Variants in CATSPER3 observed in about 807,000 individuals in gnomAD.
CATSPER3 encodes the protein cation channel sperm associated 3, also known as cation channel sperm-associated protein 3.
In CATSPER3, 23 loss-of-function variants were observed where a neutral mutation model predicts 36.6. That is an observed-to-expected ratio of 0.63 (90% CI 0.45 to 0.89). The LOEUF (loss-of-function observed/expected upper bound fraction) is 0.89. Among genes scored for constraint, CATSPER3 ranks in the 40% least tolerant of loss-of-function variants. The pLI, the probability that CATSPER3 is intolerant of heterozygous loss-of-function variation, is 0.00. For synonymous variants in CATSPER3, 172 were observed against 184.1 expected, an observed-to-expected ratio of 0.93 and a Z score of 0.53; for missense variants, 474 against 503.9, an observed-to-expected ratio of 0.94 and a Z score of 0.57.
At chr5:135,005,335 G>A (rs770987509) in intron 3 of CATSPER3, among the ~76,000 whole-genome samples, 4 of 152,182 alleles carry the variant, frequency 2.6e-5, no homozygotes, top group Admixed American at 6.5e-5. Context: ...AGGCACACAC[G>A]CATGCACCAC....
At chr5:134,996,578 C>G (rs1751953096) in intron 3 of CATSPER3, 66 bp downstream of exon 3, 1 of 1,556,558 alleles carries the variant, frequency 6.4e-7, no homozygotes, top group African/African-American at 1.4e-5. Context: ...CCCCAAGACA[C>G]TAAGGAAATA....
intron 3 of CATSPER3, among the ~76,000 whole-genome samples, chr5:135,002,582 T>C (rs367997377): frequency 3.3e-5 from 5 of 152,214 alleles, no homozygotes; most frequent in Non-Finnish European, 7.3e-5. Context: ...CCATTCTCCC[T>C]GTCACTTTCA....
chr5:135,009,246 C>T, intron 5 of CATSPER3, 125 bp from the exon 6 acceptor site: 1 of 1,089,878 alleles, frequency 9.2e-7, no homozygotes. Flanking sequence ...TGGCGGCTGG[C>T]CCTGTGTGGG....
intron 2 of CATSPER3, among the ~76,000 whole-genome samples, chr5:134,974,014 T>A (rs573643268): frequency 1.1e-4 from 16 of 152,090 alleles, no homozygotes; most frequent in Non-Finnish European, 1.8e-4. Flanking sequence ...CCTTAATAAA[T>A]GAAAAAGAAA....
chr5:134,969,742 G>A (rs1751578762), intron 1 of CATSPER3, 197 bp from the exon 2 acceptor site: 2 of 621,368 alleles, frequency 3.2e-6, no homozygotes, highest in African/African-American at 3.7e-5. Context: ...GTAACTGAGT[G>A]AGGACAGAGT....
At chr5:134,986,914 A>G (rs1309739074) in intron 2 of CATSPER3, among the ~76,000 whole-genome samples, 3 of 152,230 alleles carry the variant, frequency 2.0e-5, no homozygotes, top group Non-Finnish European at 4.4e-5. Context: ...TGACATTAGA[A>G]AAGAAGAAAG....
intron 2 of CATSPER3, among the ~76,000 whole-genome samples, chr5:134,987,052 T>C (rs1175179910): frequency 6.6e-6 from 1 of 151,796 alleles, no homozygotes; most frequent in African/African-American, 2.4e-5. Context: ...AGAGGAACAA[T>C]AGAGAAAATG....
intron 2 of CATSPER3, among the ~76,000 whole-genome samples, chr5:134,986,378 A>G (rs984406905): frequency 6.6e-6 from 1 of 151,720 alleles, no homozygotes; most frequent in African/African-American, 2.4e-5. Context: ...TCCTGACCTC[A>G]GGTGATCCAC....
Position 134,996,202 on chromosome 5 carries a change from G to T in CATSPER3, c.253-71G>T. On this transcript the variant is annotated intron_variant, in intron 2 of 7. Coordinates refer to ENST00000282611, the MANE Select transcript of CATSPER3 (RefSeq NM_178019.3). ...TAGGAGCACCCCTTCCGGGGCTCAC[G>T]CAGGGAGCAGGCCAGAGCTCTAGGG... 6.2e-6 allele frequency: 10 copies of T among 1,605,296 alleles called. No homozygotes were observed. In the South Asian group the frequency reaches 6.6e-5, roughly 11 times the overall value.
intron 2 of CATSPER3, among the ~76,000 whole-genome samples, chr5:134,984,750 A>G (rs1313243221): frequency 6.6e-6 from 1 of 152,136 alleles, no homozygotes; most frequent in Non-Finnish European, 1.5e-5. Context: ...CTACCATTCA[A>G]TCCAGCAATC....
intron 2 of CATSPER3, among the ~76,000 whole-genome samples, chr5:134,981,213 G>T (rs538799354): frequency 1.8e-4 from 28 of 151,568 alleles, no homozygotes; most frequent in Non-Finnish European, 2.9e-4. Context: ...TCTGTTGGCC[G>T]GGCACAGTGG....
rs1752179568 is a variant in CATSPER3, at chr5:135,011,519, A to G, written c.1095-2A>G. 1.9e-6 allele frequency: 3 copies of G among 1,611,450 alleles called. No homozygotes were observed. In the East Asian group the frequency reaches 6.7e-5, roughly 36 times the overall value. ...CTTATCTCCTCCTGCTCCATTTTTC[A>G]GGCTTCAAGAGCTGTACTATGAGAT... On this transcript the variant is annotated splice_acceptor_variant, in intron 7 of 7. Coordinates refer to ENST00000282611, the MANE Select transcript of CATSPER3 (RefSeq NM_178019.3). LOFTEE classifies it high-confidence loss of function.
chr5:134,978,294 A>C (rs1751702985), intron 2 of CATSPER3, among the ~76,000 whole-genome samples: 1 of 152,190 alleles, frequency 6.6e-6, no homozygotes, highest in South Asian at 2.1e-4. Context: ...AATAGCTAGA[A>C]GAGAGGACTT....
intron 2 of CATSPER3, among the ~76,000 whole-genome samples, chr5:134,985,879 A>G (rs567225945): frequency 5.9e-5 from 9 of 152,062 alleles, no homozygotes; most frequent in African/African-American, 2.2e-4. Context: ...AGACTACGTG[A>G]TAGAGCAAGA....
At position 134,983,407 on chromosome 5, in the gene CATSPER3, C is replaced by T. The variant is rs545045180; in HGVS notation, c.253-12866C>T. 3.4e-3 allele frequency among the ~76,000 whole-genome samples: 521 copies of T among 152,004 alleles called. 3 individuals carry two copies. Among genetic ancestry groups the T allele is most frequent in the South Asian group, 0.023 (109 of 4,804 alleles). On this transcript the variant is annotated intron_variant, in intron 2 of 7. Coordinates refer to ENST00000282611, the MANE Select transcript of CATSPER3 (RefSeq NM_178019.3). Reference sequence around the variant, plus strand: ...AAAATTAGCCAGGTGTGGTGGTGCACGCCTGTAGTCCCAGCTACCCAGGAG... The same window carrying T: ...AAAATTAGCCAGGTGTGGTGGTGCATGCCTGTAGTCCCAGCTACCCAGGAG...
At chr5:134,993,469 G>C (rs991135667) in intron 2 of CATSPER3, among the ~76,000 whole-genome samples, 7 of 152,068 alleles carry the variant, frequency 4.6e-5, no homozygotes, top group African/African-American at 1.7e-4. Flanking sequence ...CAACAAAATA[G>C]TTAAAAAGAA....
chr5:134,993,112 C>T (rs575241870), intron 2 of CATSPER3, among the ~76,000 whole-genome samples: 10 of 152,302 alleles, frequency 6.6e-5, no homozygotes, highest in African/African-American at 2.4e-4. Context: ...CAGAAACCAA[C>T]ACATGCTAGA....
intron 3 of CATSPER3, among the ~76,000 whole-genome samples, chr5:135,007,570 C>T (rs1223750833): frequency 3.9e-5 from 6 of 152,268 alleles, no homozygotes; most frequent in Admixed American, 6.5e-5. Context: ...CTCCTGGGCC[C>T]GGGGCAGAGA....
At chr5:134,980,261 C>T (rs567907285) in intron 2 of CATSPER3, among the ~76,000 whole-genome samples, 1 of 151,634 alleles carries the variant, frequency 6.6e-6, no homozygotes, top group South Asian at 2.1e-4. Context: ...GGGTTACAGG[C>T]ATGAGCCACC....
Sources: gnomAD v4.1 joint callset for allele counts (sites outside exome capture counted in the v4.1 genomes callset) on GRCh38, gnomAD v4.1.1 for gene constraint, MANE v1.5 for transcripts, NCBI Gene and HGNC (gene_info 2026-07-23, HGNC 2026-07-21) for gene names.